B3GLCT: variants seen among roughly 807,000 people sequenced by gnomAD.
B3GLCT encodes the protein beta-1,3-glucosyltransferase.
Under a neutral mutation model 63.4 loss-of-function variants are expected in B3GLCT, and 65 were observed. That is an observed-to-expected ratio of 1.03 (90% CI 0.84 to 1.26). B3GLCT has a LOEUF of 1.26. B3GLCT is among the 50% of genes most tolerant of loss of function. The pLI is 0.00. For missense variants in B3GLCT, 577 were observed against 604.8 expected (o/e 0.95, Z 0.48); for synonymous variants, 233 against 219.2 (o/e 1.06, Z -0.55).
At chr13:31,275,407 G>A (rs1872736300) in intron 9 of B3GLCT, among the ~76,000 whole-genome samples, 2 of 152,196 alleles carry the variant, frequency 1.3e-5, no homozygotes, top group Non-Finnish European at 2.9e-5. Flanking sequence ...TTTAGGGTTA[G>A]TGTGCCCAGA....
At chr13:31,250,180 A>G (rs1335314779) in intron 6 of B3GLCT, among the ~76,000 whole-genome samples, 2 of 151,824 alleles carry the variant, frequency 1.3e-5, no homozygotes, top group Non-Finnish European at 2.9e-5. Context: ...ATTTTGTTTT[A>G]TTTTATTTTT....
chr13:31,278,623 T>G (rs1201018546), intron 10 of B3GLCT, among the ~76,000 whole-genome samples: 13 of 152,214 alleles, frequency 8.5e-5, no homozygotes, highest in African/African-American at 3.1e-4. Context: ...GGCAACAGGA[T>G]TTCAGTGACT....
chr13:31,229,953 T>C lies in B3GLCT; in HGVS notation c.270+659T>C, dbSNP rs78116635. Among the ~76,000 whole-genome samples the C allele has an allele frequency of 4.8e-3, 729 of 152,002 alleles. 6 individuals carry two copies. Among genetic ancestry groups the C allele is most frequent in the African/African-American group, 0.017 (711 of 41,464 alleles). ...GAAATAACTTTCTAAAGGCAAGGCT[T>C]AAAATAGAGATAATTAATGTTCAAA... On this transcript the variant is annotated intron_variant, in intron 4 of 14. Coordinates refer to ENST00000343307, the MANE Select transcript of B3GLCT (RefSeq NM_194318.4).
intron 13 of B3GLCT, among the ~76,000 whole-genome samples, chr13:31,318,871 A>G (rs1239211122): frequency 6.6e-6 from 1 of 152,190 alleles, no homozygotes; most frequent in Admixed American, 6.5e-5. Context: ...TAATATTTTT[A>G]ACACAGAAGT....
At chr13:31,276,447 C>T (rs1368608313) in intron 9 of B3GLCT, among the ~76,000 whole-genome samples, 1 of 152,046 alleles carries the variant, frequency 6.6e-6, no homozygotes, top group Non-Finnish European at 1.5e-5. Context: ...AACAAGCAGA[C>T]TGAAATTCTG....
intron 2 of B3GLCT, 23 bp downstream of exon 2, chr13:31,215,123 C>A (rs1869493665): frequency 1.3e-6 from 2 of 1,597,694 alleles, no homozygotes; most frequent in South Asian, 1.1e-5. Context: ...ATGATCAAAT[C>A]TTTTCCTCCC....
At chr13:31,292,889 A>C (rs1055380757) in intron 12 of B3GLCT, among the ~76,000 whole-genome samples, 2 of 151,622 alleles carry the variant, frequency 1.3e-5, no homozygotes, top group African/African-American at 2.4e-5. Flanking sequence ...TAGTTCTTTT[A>C]ATTGTGATGT....
chr13:31,246,330 A>G (rs980993417), intron 4 of B3GLCT, among the ~76,000 whole-genome samples: 15 of 152,228 alleles, frequency 9.9e-5, no homozygotes, highest in Non-Finnish European at 2.1e-4. Flanking sequence ...AGCCTTAAAA[A>G]TATTAATCTC....
At chr13:31,269,755 C>G (rs146915882) in intron 8 of B3GLCT, among the ~76,000 whole-genome samples, 27 of 152,058 alleles carry the variant, frequency 1.8e-4, no homozygotes, top group African/African-American at 6.5e-4. Flanking sequence ...GGGATTAGCA[C>G]TTTTATAAAA....
At chr13:31,221,323 G>C (rs886867754) in intron 2 of B3GLCT, among the ~76,000 whole-genome samples, 1 of 152,212 alleles carries the variant, frequency 6.6e-6, no homozygotes, top group Non-Finnish European at 1.5e-5. Flanking sequence ...GGCTCCTCTG[G>C]AGCTGAGGCT....
chr13:31,292,877 T>G (rs1817062070), intron 12 of B3GLCT, among the ~76,000 whole-genome samples: 1 of 152,188 alleles, frequency 6.6e-6, no homozygotes, highest in Non-Finnish European at 1.5e-5. Context: ...CTCTTTCTTC[T>G]CTAGTTCTTT....
At chr13:31,265,055 T>C (rs189733641) in intron 7 of B3GLCT, among the ~76,000 whole-genome samples, 2 of 152,344 alleles carry the variant, frequency 1.3e-5, no homozygotes, top group African/African-American at 4.8e-5. Context: ...TATTTCCTGT[T>C]TGCATCCAAT....
At chr13:31,326,227 A>G (rs1875596859) in intron 14 of B3GLCT, among the ~76,000 whole-genome samples, 1 of 130,774 alleles carries the variant, frequency 7.6e-6, no homozygotes, top group Non-Finnish European at 1.6e-5. Flanking sequence ...GTGCTCCAGT[A>G]TTTACAGATG....
chr13:31,256,619 G>C (rs1016846415), intron 6 of B3GLCT, among the ~76,000 whole-genome samples: 2 of 152,154 alleles, frequency 1.3e-5, no homozygotes, highest in Admixed American at 6.5e-5. Flanking sequence ...CATGTCCTTT[G>C]CAGGGCCATG....
chr13:31,286,652 G>T, intron 11 of B3GLCT, 68 bp from the exon 12 acceptor site: 3 of 1,144,020 alleles, frequency 2.6e-6, no homozygotes, highest in South Asian at 1.4e-5. Flanking sequence ...AAACTAAAAA[G>T]AAATGAACAA....
chr13:31,229,168 A>ATT lies in B3GLCT; in HGVS notation c.161-9_161-8dup. ...TTGTAAAAAGAAATACCTGAAAACTATTTTTTTTTGTTCTAGACTTAAAAG... is the reference window on the plus strand; with the variant it reads ...TTGTAAAAAGAAATACCTGAAAACTATTTTTTTTTTTGTTCTAGACTTAAAAG... On this transcript the variant is annotated splice_polypyrimidine_tract_variant and intron_variant, in intron 3 of 14. Coordinates refer to ENST00000343307, the MANE Select transcript of B3GLCT (RefSeq NM_194318.4). 3.4e-6 allele frequency: 5 copies of ATT among 1,458,960 alleles called. No individual in the cohort carries two copies. Among genetic ancestry groups the ATT allele is most frequent in the South Asian group, 1.2e-5 (1 of 85,040 alleles). 90.4% of individuals were successfully genotyped at this position (1,458,960 alleles called of 1,614,324 possible).
chr13:31,276,433 T>C (rs1872786681), intron 9 of B3GLCT, among the ~76,000 whole-genome samples: 1 of 152,176 alleles, frequency 6.6e-6, no homozygotes, highest in Non-Finnish European at 1.5e-5. Context: ...TATTTTTTTT[T>C]CTAAACAAGC....
intron 7 of B3GLCT, among the ~76,000 whole-genome samples, chr13:31,262,778 ATTC>A (rs1872101802): frequency 6.6e-6 from 1 of 152,106 alleles, no homozygotes; most frequent in Non-Finnish European, 1.5e-5. Context: ...TTCCTCAAGT[ATTC>A]TTCTCATCCT....
chr13:31,296,928 C>T (rs1873974345), intron 12 of B3GLCT, among the ~76,000 whole-genome samples: 1 of 152,030 alleles, frequency 6.6e-6, no homozygotes, highest in South Asian at 2.1e-4. Flanking sequence ...TCTCTATACT[C>T]CCCTAACCCC....
Sources: allele counts gnomAD v4.1 joint callset (sites outside exome capture counted in the v4.1 genomes callset), GRCh38; gene constraint gnomAD v4.1.1; transcripts MANE v1.5; gene names NCBI Gene and HGNC (gene_info 2026-07-23, HGNC 2026-07-21).